Variants in EMC1 observed in about 807,000 individuals in gnomAD.
EMC1 encodes ER membrane protein complex subunit 1.
A neutral mutation model predicts 128.8 loss-of-function variants in EMC1; 103 were observed. The observed-to-expected ratio is 0.80, with a 90% CI of 0.68 to 0.94. The LOEUF is 0.94. Ranked by LOEUF, EMC1 falls within the 40% of genes least tolerant of loss-of-function variation. EMC1 has a pLI of 0.00. For synonymous variants in EMC1, 442 were observed against 490.4 expected, an observed-to-expected ratio of 0.90 and a Z score of 1.30; for missense variants, 1,083 against 1,250.6, an observed-to-expected ratio of 0.87 and a Z score of 2.02.
chr1:19,225,455 TC>T (rs1392593697), intron 18 of EMC1, among the ~76,000 whole-genome samples: 4 of 152,078 alleles, frequency 2.6e-5, no homozygotes, highest in Non-Finnish European at 5.9e-5. Context: ...ATCAAGACCA[TC>T]CTGGCCAACA....
At chr1:19,245,091 C>T in intron 1 of EMC1, 61 bp from the exon 2 acceptor site, 1 of 1,587,202 alleles carries the variant, frequency 6.3e-7, no homozygotes, top group Non-Finnish European at 8.6e-7. Context: ...ACAAAATGCT[C>T]CGGAAAAAAA....
chr1:19,225,129 T>G (rs374178326), intron 18 of EMC1, among the ~76,000 whole-genome samples: 15 of 152,346 alleles, frequency 9.8e-5, no homozygotes, highest in African/African-American at 3.6e-4. Flanking sequence ...CCAACTATGA[T>G]GAAAGCCTCA....
chr1:19,237,201 A>C lies in EMC1; in HGVS notation c.1250T>G (p.Val417Gly), dbSNP rs1162151185. 6.2e-7 allele frequency: 1 copy of C among 1,614,094 alleles called. No individual in the cohort carries two copies. The highest frequency in any genetic ancestry group is 1.7e-5 in the Admixed American group (1 of 60,014). ...IQVFLKKDDSVGYRALVQTED... is the reference protein window; with the variant it reads ...IQVFLKKDDSGGYRALVQTED... ...TGTCTGCACCAAAGCCCGGTAGCCC[A>C]CTGAGTCATCCTTCTTCAAGAACAC... Residue 417 changes from valine to glycine, a missense_variant, in exon 12 of 23, where the codon GTG becomes GGG. Around this residue, in one of 3 missense-constraint regions of EMC1, gnomAD observed 544 missense variants for 572.4 expected, o/e 0.95. Coordinates refer to ENST00000477853, the MANE Select transcript of EMC1 (RefSeq NM_015047.3).
At position 19,216,358 on chromosome 1, in the gene EMC1, CTTACA is replaced by C. The variant is rs759842023; in HGVS notation, c.*2940_*2944del. 6.6e-5 allele frequency: 10 copies of C among 152,078 alleles called. No homozygotes were observed. Among genetic ancestry groups the C allele is most frequent in the Admixed American group, 2.6e-4 (4 of 15,262 alleles). The allele number at this position is 152,078 out of a possible 1,614,324, so 9.4% of individuals were successfully genotyped here. A position where few individuals can be genotyped will look rare whatever the true frequency, so the allele number is the denominator to read the frequency against. ...AATGAAACTAGTTCAGATTAGATAG[CTTACA>C]TTAAAGTCTCTAACACTTAAATTAG... is the stretch of plus-strand genomic sequence containing the variant. On this transcript the variant is annotated 3_prime_UTR_variant, in exon 23 of 23. Coordinates refer to ENST00000477853, the MANE Select transcript of EMC1 (RefSeq NM_015047.3).
At chr1:19,230,525 G>T (rs1299850326) in intron 17 of EMC1, among the ~76,000 whole-genome samples, 1 of 151,784 alleles carries the variant, frequency 6.6e-6, no homozygotes, top group Admixed American at 6.6e-5. Context: ...AGCCGAGATC[G>T]CACCACTGCA....
At chr1:19,246,261 G>A (rs941279931) in intron 1 of EMC1, among the ~76,000 whole-genome samples, 4 of 150,880 alleles carry the variant, frequency 2.7e-5, no homozygotes, top group South Asian at 2.1e-4. Flanking sequence ...GTGGTGGCAC[G>A]TGCCTGTCAT....
intron 19 of EMC1, 50 bp from the exon 20 acceptor site, chr1:19,222,884 G>T: frequency 6.8e-7 from 1 of 1,461,830 alleles, no homozygotes; most frequent in Non-Finnish European, 9.3e-7. Context: ...GCTTCAACTG[G>T]AAAGGGAAAT....
chr1:19,245,627 C>CTTTTTTTTTTTTTTTTT lies in EMC1; in HGVS notation c.96-598_96-597insAAAAAAAAAAAAAAAAA, dbSNP rs539316345. Among the ~76,000 whole-genome samples the CTTTTTTTTTTTTTTTTT allele has an allele frequency of 6.8e-4, 84 of 123,094 alleles. 3 individuals carry two copies. Among genetic ancestry groups the CTTTTTTTTTTTTTTTTT allele is most frequent in the African/African-American group, 2.6e-3 (77 of 29,272 alleles). The allele number at this position is 123,094 out of a possible 152,430, so 80.8% of individuals were successfully genotyped here. A position where few individuals can be genotyped will look rare whatever the true frequency, so the allele number is the denominator to read the frequency against. On this transcript the variant is annotated intron_variant, in intron 1 of 22. Coordinates refer to ENST00000477853, the MANE Select transcript of EMC1 (RefSeq NM_015047.3). ...ACACCCAAAAGGGCACCTTACCTTT[C>CTTTTTTTTTTTTTTTTT]TTTTTTTTTTTTTTGAGACGAAGTC...
chr1:19,224,932 C>T (rs966429234), intron 18 of EMC1, among the ~76,000 whole-genome samples: 1 of 152,180 alleles, frequency 6.6e-6, no homozygotes, highest in Non-Finnish European at 1.5e-5. Context: ...CGCAGCTACC[C>T]ACACAACTCA....
chr1:19,241,770 G>C lies in EMC1; in HGVS notation c.509+575C>G, dbSNP rs963490589. On this transcript the variant is annotated intron_variant, in intron 5 of 22. Transcript: ENST00000477853. ...GATCTACCCACCTCAGGCTCCCAAA[G>C]TGCAGGGATTACAGGCGTGAGACAC... is the stretch of plus-strand genomic sequence containing the variant. Among the ~76,000 whole-genome samples the C allele has an allele frequency of 1.1e-4, 16 of 152,274 alleles. No homozygotes were observed. The South Asian group carries it at 1.7e-3, about 16-fold the overall frequency.
intron 18 of EMC1, among the ~76,000 whole-genome samples, chr1:19,224,257 T>C (rs959686580): frequency 1.3e-5 from 2 of 152,206 alleles, no homozygotes; most frequent in African/African-American, 4.8e-5. Context: ...ATCTCATGGC[T>C]TGAACACCAT....
At chr1:19,221,352 T>C (rs2093429537) in intron 20 of EMC1, 1 of 153,006 alleles carries the variant, frequency 6.5e-6, no homozygotes, top group South Asian at 2.0e-4. Flanking sequence ...AAGAATTCAA[T>C]AGGCCAGTCG....
Position 19,216,915 on chromosome 1 carries a change from T to C in EMC1, c.*2388A>G, listed in dbSNP as rs1364131848. On this transcript the variant is annotated 3_prime_UTR_variant, in exon 23 of 23. Transcript: ENST00000477853. Reference sequence around the variant, plus strand: ...TATGTTGCCCAGGCTGGTCTGGAACTCCTGGGCTCAAGAGATCCTCCACTA... The same window carrying C: ...TATGTTGCCCAGGCTGGTCTGGAACCCCTGGGCTCAAGAGATCCTCCACTA... The C allele has an allele frequency of 1.3e-5, 2 of 152,224 alleles. No homozygotes were observed. Among genetic ancestry groups the C allele is most frequent in the Non-Finnish European group, 2.9e-5 (2 of 68,114 alleles). 9.4% of individuals were successfully genotyped at this position (152,224 alleles called of 1,614,324 possible).
chr1:19,251,426 G>C lies in EMC1; in HGVS notation c.84C>G (p.Gly28=). 1 of 1,614,088 alleles carries C rather than the reference G, an allele frequency of 6.2e-7. No individual in the cohort carries two copies. The highest frequency in any genetic ancestry group is 8.5e-7 in the Non-Finnish European group (1 of 1,179,976). The change falls in exon 1 of 23, where the codon GGC becomes GGG. Residue 28 remains glycine, a synonymous_variant. Transcript: ENST00000477853. ...PAAAVYEDQV[G]KFDWRQQYVG... Reference sequence around the variant, plus strand: ...CCACACGTACGCACCAATCAAACTTGCCCACTTGGTCTTCGTAGACCGCGG... The same window carrying C: ...CCACACGTACGCACCAATCAAACTTCCCCACTTGGTCTTCGTAGACCGCGG...
At chr1:19,227,243 C>T in intron 18 of EMC1, 70 bp downstream of exon 18, 5 of 1,564,420 alleles carry the variant, frequency 3.2e-6, no homozygotes, top group Non-Finnish European at 3.5e-6. Context: ...AGTCCTACAG[C>T]CAGACTTGAA....
chr1:19,222,649 C>T lies in EMC1; in HGVS notation c.2562G>A (p.Arg854=). 1 of 1,613,988 alleles carries T rather than the reference C, an allele frequency of 6.2e-7. No homozygotes were observed. The highest frequency in any genetic ancestry group is 8.5e-7 in the Non-Finnish European group (1 of 1,180,024). The change falls in exon 20 of 23, where the codon CGG becomes CGA. Residue 854 remains arginine (R), a synonymous_variant. Coordinates refer to ENST00000477853, the MANE Select transcript of EMC1 (RefSeq NM_015047.3). ...ISAMEATITE[R]GITSRHLLIG... ...TCAGCAGGTGTCGGCTGGTGATGCC[C>T]CGTTCGGTGATGGTGGCCTCCATGG... is the stretch of plus-strand genomic sequence containing the variant.
At position 19,237,242 on chromosome 1, in the gene EMC1, T is replaced by G; in HGVS notation, c.1213-4A>C. On this transcript the variant is annotated splice_region_variant and splice_polypyrimidine_tract_variant and intron_variant, in intron 11 of 22. Coordinates refer to ENST00000477853, the MANE Select transcript of EMC1 (RefSeq NM_015047.3). ...TCAAGAACACCTGGATATACAGCTA[T>G]AAGCCACAGTCAAGACCGGTGTAGT... is the stretch of plus-strand genomic sequence containing the variant. 2 of 1,610,194 alleles carry G rather than the reference T, an allele frequency of 1.2e-6. No homozygotes were observed. Among genetic ancestry groups the G allele is most frequent in the Non-Finnish European group, 1.7e-6 (2 of 1,176,558 alleles).
At chr1:19,249,988 C>T (rs1395788832) in intron 1 of EMC1, among the ~76,000 whole-genome samples, 3 of 151,978 alleles carry the variant, frequency 2.0e-5, no homozygotes, top group South Asian at 2.1e-4. Flanking sequence ...GAGGCCTAGG[C>T]GGGTGGATTA....
chr1:19,220,810 C>T lies in EMC1; in HGVS notation c.2626G>A (p.Ala876Thr). The change falls in exon 21 of 23, where the codon GCT (alanine) becomes ACT (threonine). Residue 876 changes from alanine (A) to threonine (T), a missense_variant. By Grantham distance (58) the Ala-to-Thr change is moderately conservative. Transcript: ENST00000477853. ...TCGGGGCGGCGGGGATCCAGCAAAGCCTTAGGAAGGGAAAGAATTGCTCCA... is the reference window on the plus strand; with the variant it reads ...TCGGGGCGGCGGGGATCCAGCAAAGTCTTAGGAAGGGAAAGAATTGCTCCA... ...PSGAILSLPK[A>T]LLDPRRPEIP... The T allele has an allele frequency of 6.2e-7, 1 of 1,613,316 alleles. No individual in the cohort carries two copies. Among genetic ancestry groups the T allele is most frequent in the Non-Finnish European group, 8.5e-7 (1 of 1,179,690 alleles).
Sources: allele counts gnomAD v4.1 joint callset (sites outside exome capture counted in the v4.1 genomes callset), GRCh38; gene constraint gnomAD v4.1.1; regional missense constraint gnomAD v4.1.1; transcripts MANE v1.5; gene names NCBI Gene and HGNC (gene_info 2026-07-23, HGNC 2026-07-21).